Variants in NBPF14 observed in about 807,000 individuals in gnomAD.
NBPF14 encodes the protein NBPF family member NBPF14.
NBPF14 carries 104 observed loss-of-function variants against 91.2 expected under a neutral mutation model. The ratio of observed to expected loss-of-function variants is 1.14; its 90% CI spans 0.97 to 1.34. The LOEUF (loss-of-function observed/expected upper bound fraction) is 1.34, where lower values mean the gene tolerates loss of function less well. NBPF14 is among the 40% of genes most tolerant of loss of function. The pLI, the probability that NBPF14 is intolerant of heterozygous loss-of-function variation, is 0.00. For missense variants in NBPF14, 908 were observed against 783.0 expected (o/e 1.16, Z -1.91); for synonymous variants, 294 against 303.8 (o/e 0.97, Z 0.34).
At chr1:148,533,920 C>T (rs1553331880) in exon 70 of NBPF14, 7 of 748,940 alleles carry the variant, frequency 9.3e-6, no homozygotes, top group Non-Finnish European at 4.9e-6. Context: ...TTCTTTCCTT[C>T]TTTGATCTTC....
intron 68 of NBPF14, 26 bp from the exon 69 acceptor site, chr1:148,534,882 A>C (rs2149473084): frequency 2.6e-6 from 2 of 755,250 alleles, no homozygotes; most frequent in South Asian, 2.8e-5. Context: ...AAAGTAAAGA[A>C]TAAGCCAGGG....
At position 148,559,907 on chromosome 1, in the gene NBPF14, T is replaced by C. The variant is rs1657405333; in HGVS notation, c.4615A>G (p.Arg1539Gly). 25 of 1,278,772 alleles carry C rather than the reference T, an allele frequency of 2.0e-5. 1 individual carries two copies. Among genetic ancestry groups the C allele is most frequent in the Non-Finnish European group, 2.6e-5 (24 of 912,294 alleles). 79.2% of individuals were successfully genotyped at this position (1,278,772 alleles called of 1,614,324 possible). A position where few individuals can be genotyped will look rare whatever the true frequency, so the allele number is the denominator to read the frequency against. The change falls in exon 37 of 71, where the codon AGA becomes GGA. Residue 1539 changes from arginine (R) to glycine (G), a missense_variant. Coordinates refer to ENST00000619423, the Ensembl canonical transcript of NBPF14. ...CAACCTGAAGGAGTTGAATAACATC[T>C]ATCCAGTGAGTCCTGCAAGACTTCA...
intron 14 of NBPF14, among the ~76,000 whole-genome samples, 174 bp from the exon 15 acceptor site, chr1:148,577,529 G>A (rs1194222398): frequency 6.9e-6 from 1 of 144,050 alleles, no homozygotes; most frequent in Non-Finnish European, 1.5e-5. Context: ...AGGTAGAAAA[G>A]GATGAACGAG....
At chr1:148,576,156 T>C (rs1450695880) in intron 16 of NBPF14, among the ~76,000 whole-genome samples, 2 of 94,960 alleles carry the variant, frequency 2.1e-5, no homozygotes, top group Admixed American at 9.0e-5. Context: ...TAATTTTCCG[T>C]AAACTTGCTC....
intron 7 of NBPF14, 21 bp from the exon 8 acceptor site, chr1:148,587,424 C>T (rs1405878754): frequency 1.2e-5 from 18 of 1,563,348 alleles, no homozygotes; most frequent in Non-Finnish European, 1.6e-5. Flanking sequence ...ACAGACACAC[C>T]TACCTCAGTG....
At chr1:148,533,893 T>G in exon 70 of NBPF14, 1 of 759,266 alleles carries the variant, frequency 1.3e-6, no homozygotes, top group South Asian at 1.4e-5. Context: ...CTTCTTCCCC[T>G]TCTTTTCTTC....
chr1:148,535,013 C>T (rs1383642191), intron 68 of NBPF14, among the ~76,000 whole-genome samples, 157 bp from the exon 69 acceptor site: 6 of 146,828 alleles, frequency 4.1e-5, no homozygotes, highest in African/African-American at 1.6e-4. Flanking sequence ...TGGGATAGAC[C>T]AGGGCCAGGT....
At chr1:148,590,269 G>C (rs1662267347) in intron 6 of NBPF14, among the ~76,000 whole-genome samples, 1 of 140,406 alleles carries the variant, frequency 7.1e-6, no homozygotes, top group Non-Finnish European at 1.6e-5. Context: ...GTGTTAGCCA[G>C]GATGGTCTCA....
chr1:148,559,682 C>A (rs1265137283), intron 37 of NBPF14, 111 bp downstream of exon 37: 2 of 667,750 alleles, frequency 3.0e-6, no homozygotes, highest in Admixed American at 2.3e-5. Flanking sequence ...CCTATAGGTC[C>A]TCCCTGTGGC....
Position 148,591,646 on chromosome 1 carries a change from GC to G in NBPF14, c.494-143del, listed in dbSNP as rs1276041895. On this transcript the variant is annotated intron_variant, in intron 4 of 70. Transcript: ENST00000619423. Reference sequence around the variant, plus strand: ...TCTCATGTTTTATCTTTCACAAAATGCCCTGGCATGGTTTCCTGGTCCATCG... The same window carrying G: ...TCTCATGTTTTATCTTTCACAAAATGCCTGGCATGGTTTCCTGGTCCATCG... The G allele has an allele frequency of 1.7e-5, 18 of 1,072,596 alleles. No homozygotes were observed. In the African/African-American group the frequency reaches 2.6e-4, roughly 16 times the overall value. The allele number at this position is 1,072,596 out of a possible 1,614,324, so 66.4% of individuals were successfully genotyped here.
rs1406042870 is a variant in NBPF14, at chr1:148,534,226, G to C, written c.8615-257C>G. Among the ~76,000 whole-genome samples the C allele has an allele frequency of 4.6e-5, 7 of 151,146 alleles. 1 individual carries two copies. The highest frequency in any genetic ancestry group is 2.1e-4 in the South Asian group (1 of 4,798). On this transcript the variant is annotated intron_variant, in intron 69 of 70. Coordinates refer to ENST00000619423, the Ensembl canonical transcript of NBPF14. ...CATTTGTCCCAAGTTTCTGCAAACA[G>C]TTACGCCATATTTTTCCAATCAACG...
At chr1:148,559,818 A>C in exon 37 of NBPF14, 1 of 1,534,698 alleles carries the variant, frequency 6.5e-7, no homozygotes, top group Non-Finnish European at 8.7e-7. Context: ...CCAAGCCAAC[A>C]CGCTGCTGCT....
chr1:148,561,788 C>G (rs1414122304), intron 34 of NBPF14, among the ~76,000 whole-genome samples: 1 of 123,324 alleles, frequency 8.1e-6, no homozygotes, highest in Non-Finnish European at 1.6e-5. Context: ...CACACACACA[C>G]ACACACACAC....
chr1:148,561,680 T>C (rs2149508389), intron 34 of NBPF14, 101 bp from the exon 35 acceptor site: 1 of 285,184 alleles, frequency 3.5e-6, no homozygotes, highest in Non-Finnish European at 5.8e-6. Flanking sequence ...GTTAAAAAAC[T>C]AAAAGGATAG....
At chr1:148,587,318 C>T in exon 8 of NBPF14, 1 of 1,581,512 alleles carries the variant, frequency 6.3e-7, no homozygotes. Context: ...CCTCAGCTTG[C>T]TTCAGCTGCT....
chr1:148,575,899 C>G (rs1476296308), intron 16 of NBPF14, 88 bp from the exon 17 acceptor site: 50 of 310,792 alleles, frequency 1.6e-4, no homozygotes, highest in South Asian at 5.9e-4. Flanking sequence ...ACATAAGGAA[C>G]TGTTTAAAAA....
At position 148,539,439 on chromosome 1, in the gene NBPF14, T is replaced by C. The variant is rs1655529841; in HGVS notation, c.7853A>G (p.Gln2618Arg). Reference sequence around the variant, plus strand: ...CACGTCAAGAGCCAAGCCAAGGTACTGTTCCTCCAATGAGTAAACAGCACT... The same window carrying C: ...CACGTCAAGAGCCAAGCCAAGGTACCGTTCCTCCAATGAGTAAACAGCACT... Residue 2618 changes from glutamine to arginine, a missense_variant, in exon 63 of 71, where the codon CAG (glutamine) becomes CGG (arginine). Around this residue, in one of 13 missense-constraint regions of NBPF14, gnomAD observed 279 missense variants for 107.7 expected, o/e 2.59. Coordinates refer to ENST00000619423, the Ensembl canonical transcript of NBPF14. 8 of 313,710 alleles carry C rather than the reference T, an allele frequency of 2.6e-5. 1 individual carries two copies. Among genetic ancestry groups the C allele is most frequent in the Non-Finnish European group, 3.9e-5 (7 of 181,718 alleles). 19.4% of individuals were successfully genotyped at this position (313,710 alleles called of 1,614,324 possible).
At chr1:148,566,450 G>T in intron 28 of NBPF14, 135 bp from the exon 29 acceptor site, 2 of 594,332 alleles carry the variant, frequency 3.4e-6, no homozygotes, top group Non-Finnish European at 5.9e-6. Flanking sequence ...GTAACAAATT[G>T]TTGCCTTCAT....
chr1:148,557,504 G>C lies in NBPF14; in HGVS notation c.4993C>G (p.Pro1665Ala). 1.4e-5 allele frequency: 14 copies of C among 1,008,476 alleles called. 4 individuals carry two copies. The highest frequency in any genetic ancestry group is 1.4e-5 in the South Asian group (1 of 69,030). 62.5% of individuals were successfully genotyped at this position (1,008,476 alleles called of 1,614,324 possible). Residue 1665 changes from proline (P) to alanine (A), a missense_variant, in exon 40 of 71, where the codon CCA becomes GCA. By Grantham distance (27) the Pro-to-Ala change is conservative. Coordinates refer to ENST00000619423, the Ensembl canonical transcript of NBPF14. ...TTGCTCAGTTACCTGGGGCATGGTGGGTCTTGGTCTTCTTCCTCTTCTTCG... is the reference window on the plus strand; with the variant it reads ...TTGCTCAGTTACCTGGGGCATGGTGCGTCTTGGTCTTCTTCCTCTTCTTCG...
Sources: gnomAD v4.1 joint callset for allele counts (sites outside exome capture counted in the v4.1 genomes callset) on GRCh38, gnomAD v4.1.1 for gene constraint, gnomAD v4.1.1 regional missense constraint, MANE v1.5 for transcripts, NCBI Gene and HGNC (gene_info 2026-07-23, HGNC 2026-07-21) for gene names.